The following SRGN variants were observed in gnomAD, a reference collection of about 807,000 sequenced individuals.
SRGN encodes the protein serglycin, also known as hematopoetic proteoglycan core peptide.
Under a neutral mutation model 9.5 loss-of-function variants are expected in SRGN, and 2 were observed. That is an observed-to-expected ratio of 0.21 (90% CI 0.09 to 0.66). SRGN has a LOEUF of 0.66. SRGN is among the 30% of genes least tolerant of loss of function. The probability of loss-of-function intolerance (pLI) is 0.83; values close to 1 mark genes in which losing one functional copy is unlikely to be tolerated. For missense variants in SRGN, 170 were observed against 192.4 expected, an observed-to-expected ratio of 0.88 and a Z score of 0.69; for synonymous variants, 59 against 72.3, an observed-to-expected ratio of 0.82 and a Z score of 0.93.
intron 2 of SRGN, among the ~76,000 whole-genome samples, chr10:69,099,476 T>A (rs7906826): frequency 6.6e-6 from 1 of 151,440 alleles, no homozygotes; most frequent in Non-Finnish European, 1.5e-5. Context: ...ATTAAAAAAA[T>A]TTTTTTTTGT....
Position 69,103,891 on chromosome 10 carries a change from T to C in SRGN, c.248T>C (p.Leu83Ser), listed in dbSNP as rs1840339698. 11 of 1,614,012 alleles carry C rather than the reference T, an allele frequency of 6.8e-6. 1 individual carries two copies. The Admixed American group carries it at 1.8e-4, about 27-fold the overall frequency. ...TTCAGAAAGACGAGAATCCAGGACTTGAATCGTATCTTCCCACTTTCTGAG... is the reference window on the plus strand; with the variant it reads ...TTCAGAAAGACGAGAATCCAGGACTCGAATCGTATCTTCCCACTTTCTGAG... ...DLFPKTRIQD[L>S]NRIFPLSEDY... The change falls in exon 3 of 3, where the codon TTG (leucine) becomes TCG (serine). Residue 83 changes from leucine to serine, a missense_variant. Leu to Ser is a moderately radical substitution (Grantham distance 145). Transcript: ENST00000242465.
At chr10:69,089,597 T>C (rs1487668953) in intron 1 of SRGN, among the ~76,000 whole-genome samples, 1 of 152,110 alleles carries the variant, frequency 6.6e-6, no homozygotes, top group African/African-American at 2.4e-5. Flanking sequence ...TAATATTCAT[T>C]AGAAAGAAAT....
intron 1 of SRGN, among the ~76,000 whole-genome samples, chr10:69,093,900 G>A (rs558827103): frequency 2.5e-4 from 38 of 152,040 alleles, no homozygotes; most frequent in African/African-American, 8.4e-4. Context: ...AAGAAAGAAA[G>A]TCCATAAATT....
At position 69,104,308 on chromosome 10, in the gene SRGN, T is replaced by C. The variant is rs1165999290; in HGVS notation, c.*188T>C. ...GATTATGCTTTAATGCTGTTATCTA[T>C]TTTATTGTTCTTGAAAATACCTGCA... On this transcript the variant is annotated 3_prime_UTR_variant, in exon 3 of 3. Transcript: ENST00000242465. 1.2e-5 allele frequency: 9 copies of C among 731,910 alleles called. No individual in the cohort carries two copies. The highest frequency in any genetic ancestry group is 4.2e-4 in the Middle Eastern group (1 of 2,372). 45.3% of individuals were successfully genotyped at this position (731,910 alleles called of 1,614,324 possible).
chr10:69,103,695 T>C (rs531113937), intron 2 of SRGN, among the ~76,000 whole-genome samples, 176 bp from the exon 3 acceptor site: 1 of 152,288 alleles, frequency 6.6e-6, no homozygotes, highest in East Asian at 1.9e-4. Flanking sequence ...ATAGGAACAT[T>C]TGACCTGTTT....
At chr10:69,088,566 C>T (rs1415119533) in intron 1 of SRGN, among the ~76,000 whole-genome samples, 1 of 152,140 alleles carries the variant, frequency 6.6e-6, no homozygotes, top group Admixed American at 6.5e-5. Context: ...GAGGAGATGG[C>T]ACCTTTGACT....
chr10:69,101,002 T>TA (rs1840280201), intron 2 of SRGN, among the ~76,000 whole-genome samples: 1 of 150,662 alleles, frequency 6.6e-6, no homozygotes, highest in African/African-American at 2.4e-5. Flanking sequence ...TTTTTTTTTT[T>TA]ACAGAGTCTC....
At chr10:69,102,727 A>T (rs990014331) in intron 2 of SRGN, among the ~76,000 whole-genome samples, 1 of 152,164 alleles carries the variant, frequency 6.6e-6, no homozygotes, top group Non-Finnish European at 1.5e-5. Context: ...AGCACTCTTC[A>T]GCTGAATGAG....
chr10:69,096,725 C>T (rs1840182854), intron 1 of SRGN, among the ~76,000 whole-genome samples: 1 of 152,162 alleles, frequency 6.6e-6, no homozygotes. Flanking sequence ...CCTGTAATCT[C>T]AGCACACTGG....
At position 69,104,118 on chromosome 10, in the gene SRGN, T is replaced by C. The variant is rs775824133; in HGVS notation, c.475T>C (p.Ter159GlnextTer7). Residue 159 changes from the stop codon to glutamine (Q), a stop_lost, in exon 3 of 3, where the codon TAA (stop) becomes CAA (glutamine). Coordinates refer to ENST00000242465, the MANE Select transcript of SRGN (RefSeq NM_002727.4). ...QHGLEEDFML[*>Q] Reference sequence around the variant, plus strand: ...TGGATTAGAAGAGGATTTTATGTTATAAAAGAGGATTTTCCCACCTTGACA... The same window carrying C: ...TGGATTAGAAGAGGATTTTATGTTACAAAAGAGGATTTTCCCACCTTGACA... 6.2e-7 allele frequency: 1 copy of C among 1,611,214 alleles called. No individual in the cohort carries two copies. The highest frequency in any genetic ancestry group is 8.5e-7 in the Non-Finnish European group (1 of 1,177,654).
intron 1 of SRGN, among the ~76,000 whole-genome samples, chr10:69,088,693 C>A (rs1839990224): frequency 6.7e-6 from 1 of 149,278 alleles, no homozygotes; most frequent in Admixed American, 6.8e-5. Context: ...TGGGGTGAAT[C>A]TGACTGTGTG....
At chr10:69,089,866 A>T (rs975886590) in intron 1 of SRGN, among the ~76,000 whole-genome samples, 1 of 152,148 alleles carries the variant, frequency 6.6e-6, no homozygotes, top group East Asian at 1.9e-4. Context: ...ACTGTACTAC[A>T]GCCTAGGTGA....
intron 2 of SRGN, 45 bp from the exon 3 acceptor site, chr10:69,103,826 A>G (rs766924573): frequency 6.3e-7 from 1 of 1,599,980 alleles, no homozygotes; most frequent in Non-Finnish European, 8.5e-7. Flanking sequence ...TTTCCCACAT[A>G]TCAAACTCCA....
Position 69,088,523 on chromosome 10 carries a change from A to T in SRGN, c.79+287A>T, listed in dbSNP as rs114412291. 4.5e-3 allele frequency among the ~76,000 whole-genome samples: 687 copies of T among 152,268 alleles called. 12 individuals are homozygous for T. The highest frequency in any genetic ancestry group is 0.016 in the African/African-American group (651 of 41,552). On this transcript the variant is annotated intron_variant, in intron 1 of 2. Transcript: ENST00000242465. Reference sequence around the variant, plus strand: ...ATAAATTTTAAAAGCTCAAAAAAGGAATCTAGAAAATGACTCCTGTGCCTG... The same window carrying T: ...ATAAATTTTAAAAGCTCAAAAAAGGTATCTAGAAAATGACTCCTGTGCCTG...
At chr10:69,101,125 C>T (rs1447917730) in intron 2 of SRGN, among the ~76,000 whole-genome samples, 1 of 151,722 alleles carries the variant, frequency 6.6e-6, no homozygotes, top group Non-Finnish European at 1.5e-5. Context: ...CCACTATGCC[C>T]AGCTAATTTT....
At chr10:69,099,308 TG>T (rs1840241402) in intron 2 of SRGN, among the ~76,000 whole-genome samples, 4 of 107,070 alleles carry the variant, frequency 3.7e-5, no homozygotes, top group African/African-American at 1.1e-4. Context: ...CTTTCTCTTT[TG>T]TTTTTTTTTT....
Position 69,104,067 on chromosome 10 carries a change from T to C in SRGN, c.424T>C (p.Ser142Pro). Residue 142 changes from serine to proline, a missense_variant, in exon 3 of 3, where the codon TCA becomes CCA. Transcript: ENST00000242465. ...TAGGTCTCTTGACAGGAATCTGCCC[T>C]CAGACAGCCAGGACTTGGGTCAACA... ...NLRSLDRNLP[S>P]DSQDLGQHGL... 9 of 1,614,212 alleles carry C rather than the reference T, an allele frequency of 5.6e-6. No homozygotes were observed. Among genetic ancestry groups the C allele is most frequent in the Non-Finnish European group, 6.8e-6 (8 of 1,180,036 alleles).
upstream of SRGN, among the ~76,000 whole-genome samples, chr10:69,087,791 G>A (rs78013732): frequency 2.0e-3 from 297 of 152,080 alleles, no homozygotes; most frequent in African/African-American, 6.9e-3. Context: ...TAGCAATCTA[G>A]TGTTTAGATT....
upstream of SRGN, chr10:69,088,084 G>A: frequency 7.7e-7 from 1 of 1,292,588 alleles, no homozygotes; most frequent in Non-Finnish European, 1.1e-6. Context: ...TTTCTAAAAG[G>A]GACAGAGAGC....
Sources: gnomAD v4.1 joint callset for allele counts (sites outside exome capture counted in the v4.1 genomes callset) on GRCh38, gnomAD v4.1.1 for gene constraint, MANE v1.5 for transcripts, NCBI Gene and HGNC (gene_info 2026-07-23, HGNC 2026-07-21) for gene names.